Variants in RANBP2 observed in about 807,000 individuals in gnomAD.
RANBP2 encodes the protein E3 SUMO-protein ligase RanBP2.
A neutral mutation model predicts 303.6 loss-of-function variants in RANBP2; 57 were observed. The ratio of observed to expected loss-of-function variants is 0.19; its 90% CI spans 0.15 to 0.23. The LOEUF is 0.23. Among genes scored for constraint, RANBP2 ranks in the 10% least tolerant of loss-of-function variants. The pLI, the probability that RANBP2 is intolerant of heterozygous loss-of-function variation, is 1.00. For synonymous variants in RANBP2, 1,167 were observed against 1,301.5 expected (o/e 0.90, Z 2.23); for missense variants, 3,138 against 3,780.8 (o/e 0.83, Z 4.46).
chr2:109,103,223 G>T, the RANBP2 span, among the ~76,000 whole-genome samples: 1 of 152,196 alleles, frequency 6.6e-6, no homozygotes, highest in African/African-American at 2.4e-5. Context: ...TAACTACCGT[G>T]ATGGTGTTGA....
chr2:109,170,406 C>T, the RANBP2 span, among the ~76,000 whole-genome samples: 2 of 151,754 alleles, frequency 1.3e-5, no homozygotes, highest in South Asian at 4.2e-4. Context: ...AGTGCAGTGG[C>T]ACAATCTCGG....
chr2:109,726,881 A>G, the RANBP2 span, among the ~76,000 whole-genome samples: 2 of 152,174 alleles, frequency 1.3e-5, no homozygotes, highest in East Asian at 3.9e-4. Context: ...GTGCCCTCAC[A>G]CTGGCTGCAT....
chr2:108,971,819 GATTTTAGTGACTCGTTTCTAGC>G, the RANBP2 span, among the ~76,000 whole-genome samples: 1 of 152,200 alleles, frequency 6.6e-6, no homozygotes, highest in Non-Finnish European at 1.5e-5. Context: ...GAACGGGCTG[GATTTTAGTGACTCGTTTCTAGC>G]CAACAGAAAA....
the RANBP2 span, among the ~76,000 whole-genome samples, chr2:109,718,633 A>G: frequency 6.6e-6 from 1 of 152,200 alleles, no homozygotes. Context: ...TGGTGAAACC[A>G]TTCCAACATT....
chr2:109,078,129 A>G, the RANBP2 span, among the ~76,000 whole-genome samples: 1 of 103,220 alleles, frequency 9.7e-6, no homozygotes, highest in South Asian at 2.8e-4. Flanking sequence ...GCGTGTATAT[A>G]TATATAGCGT....
At chr2:109,372,912 G>A in the RANBP2 span, among the ~76,000 whole-genome samples, 1 of 152,222 alleles carries the variant, frequency 6.6e-6, no homozygotes, top group Non-Finnish European at 1.5e-5. Flanking sequence ...TAAAACATCT[G>A]TCAATTCCCC....
chr2:109,081,166 A>G, the RANBP2 span, among the ~76,000 whole-genome samples: 1 of 152,282 alleles, frequency 6.6e-6, no homozygotes, highest in Non-Finnish European at 1.5e-5. Flanking sequence ...CACACTGGGT[A>G]TTAAGTAAAA....
chr2:109,416,994 A>C, the RANBP2 span, among the ~76,000 whole-genome samples: 4 of 151,032 alleles, frequency 2.6e-5, no homozygotes, highest in Admixed American at 2.6e-4. Context: ...GGTGTTCCCC[A>C]TGGGGGCCCA....
At position 108,766,894 on chromosome 2, in the gene RANBP2, C is replaced by T; in HGVS notation, c.6355C>T (p.Leu2119=). 7 of 1,611,108 alleles carry T rather than the reference C, an allele frequency of 4.3e-6. No individual in the cohort carries two copies. Among genetic ancestry groups the T allele is most frequent in the Non-Finnish European group, 5.9e-6 (7 of 1,179,862 alleles). ...TGATTTCTCTGATGGTGATGCCAAA[C>T]TAGAGCAGTTGGCAGCAAAATTTAA... is the stretch of plus-strand genomic sequence containing the variant. ...ASDFSDGDAK[L]EQLAAKFKTP... is the part of the protein sequence containing the mutation. Residue 2119 remains leucine, a synonymous_variant, in exon 20 of 29, where the codon CTA becomes TTA. Coordinates refer to ENST00000283195, the MANE Select transcript of RANBP2 (RefSeq NM_006267.5).
the RANBP2 span, among the ~76,000 whole-genome samples, chr2:108,996,158 G>A: frequency 6.6e-6 from 1 of 152,194 alleles, no homozygotes; most frequent in Non-Finnish European, 1.5e-5. Flanking sequence ...TTTGGGAAGA[G>A]GGAGTGAAGA....
the RANBP2 span, among the ~76,000 whole-genome samples, chr2:108,863,072 GGTT>G: frequency 8.5e-5 from 13 of 152,184 alleles, no homozygotes; most frequent in African/African-American, 2.4e-4. Flanking sequence ...TGCAATATTA[GGTT>G]GTTAATTTGA....
chr2:108,728,002 T>C (rs1694867077), intron 1 of RANBP2, among the ~76,000 whole-genome samples: 1 of 152,200 alleles, frequency 6.6e-6, no homozygotes, highest in South Asian at 2.1e-4. Flanking sequence ...TATTTCTGCC[T>C]TTTTGACTCC....
At chr2:108,816,097 T>C in the RANBP2 span, 22 of 1,600,158 alleles carry the variant, frequency 1.4e-5, no homozygotes, top group East Asian at 2.2e-5. Context: ...TCAGGAGAAG[T>C]GTGTAAAGGT....
At chr2:108,720,326 C>T (rs1694134173) in intron 1 of RANBP2, among the ~76,000 whole-genome samples, 2 of 149,648 alleles carry the variant, frequency 1.3e-5, no homozygotes, top group Non-Finnish European at 1.5e-5. Context: ...CCCCCCTCCC[C>T]GCCCGGAACA....
the RANBP2 span, among the ~76,000 whole-genome samples, chr2:109,213,594 CAGCTGTGTCCA>C: frequency 6.6e-6 from 1 of 152,172 alleles, no homozygotes; most frequent in Non-Finnish European, 1.5e-5. Context: ...GGGTGGACAC[CAGCTGTGTCCA>C]ACACAGCAGG....
chr2:109,725,491 C>T, the RANBP2 span, among the ~76,000 whole-genome samples: 1 of 152,142 alleles, frequency 6.6e-6, no homozygotes, highest in Non-Finnish European at 1.5e-5. Flanking sequence ...GAGATGAACT[C>T]CCTCCCTGTA....
At chr2:109,171,190 T>C in the RANBP2 span, among the ~76,000 whole-genome samples, 1 of 152,270 alleles carries the variant, frequency 6.6e-6, no homozygotes, top group East Asian at 1.9e-4. Context: ...TTTATTTATG[T>C]ATATAAAGTA....
chr2:109,699,689 G>T, the RANBP2 span, among the ~76,000 whole-genome samples: 6 of 152,154 alleles, frequency 3.9e-5, no homozygotes, highest in Non-Finnish European at 7.3e-5. Flanking sequence ...TTGTCTCAAG[G>T]GTGGCAGAGG....
chr2:108,884,601 C>T, the RANBP2 span: 7 of 152,162 alleles, frequency 4.6e-5, no homozygotes, highest in Admixed American at 4.6e-4. Flanking sequence ...GAACCTGTGA[C>T]AAAGCTCCAC....
Sources: allele counts gnomAD v4.1 joint callset (sites outside exome capture counted in the v4.1 genomes callset), GRCh38; gene constraint gnomAD v4.1.1; transcripts MANE v1.5; gene names NCBI Gene and HGNC (gene_info 2026-07-23, HGNC 2026-07-21).